The following BLVRB variants were observed in gnomAD, a reference collection of about 807,000 sequenced individuals.
The protein encoded by BLVRB is flavin reductase (NADPH).
BLVRB carries 25 observed loss-of-function variants against 21.1 expected under a neutral mutation model. The ratio of observed to expected loss-of-function variants is 1.19; its 90% CI spans 0.86 to 1.66. The LOEUF is 1.66. Among genes scored for constraint, BLVRB ranks in the 40% most tolerant of loss-of-function variants. The pLI is 0.00. For missense variants in BLVRB, 274 were observed against 282.7 expected (o/e 0.97, Z 0.22); for synonymous variants, 128 against 122.2 (o/e 1.05, Z -0.31).
chr19:40,462,892 CAAAAAAAA>C (rs56923063), intron 1 of BLVRB, among the ~76,000 whole-genome samples: 16 of 49,868 alleles, frequency 3.2e-4, no homozygotes, highest in South Asian at 1.1e-3. Flanking sequence ...ACTCTTGTCT[CAAAAAAAA>C]AAAAAAAAAA....
At chr19:40,448,607 A>AAC (rs1396079269) in intron 4 of BLVRB, among the ~76,000 whole-genome samples, 4 of 41,312 alleles carry the variant, frequency 9.7e-5, no homozygotes, top group African/African-American at 3.6e-4. Flanking sequence ...CAACAACAAC[A>AAC]AATATATATA....
intron 1 of BLVRB, among the ~76,000 whole-genome samples, chr19:40,460,275 T>TATATATATATATATATATATATA (rs1555806375): frequency 4.5e-4 from 60 of 134,372 alleles, no homozygotes; most frequent in African/African-American, 6.3e-4. Flanking sequence ...TATATATATA[T>TATATATATATATATATATATATA]TTAGAGACAG....
chr19:40,457,363 C>T (rs1423182268), intron 3 of BLVRB: 1 of 152,168 alleles, frequency 6.6e-6, no homozygotes, highest in Non-Finnish European at 1.5e-5. Context: ...CTCCCTCATG[C>T]CACTTCCCTT....
chr19:40,463,075 G>A (rs764139740), intron 1 of BLVRB, among the ~76,000 whole-genome samples: 2 of 152,014 alleles, frequency 1.3e-5, no homozygotes, highest in Non-Finnish European at 2.9e-5. Context: ...TACACGTTGT[G>A]ACCATATGTT....
intron 4 of BLVRB, among the ~76,000 whole-genome samples, chr19:40,449,082 A>G (rs2079727652): frequency 6.6e-6 from 1 of 151,986 alleles, no homozygotes. Context: ...TGTCTCAAAA[A>G]AAAAAAAGGA....
intron 1 of BLVRB, 119 bp from the exon 2 acceptor site, chr19:40,458,664 G>T: frequency 7.7e-7 from 1 of 1,300,556 alleles, no homozygotes; most frequent in Non-Finnish European, 1.0e-6. Context: ...TTCTGGGGAA[G>T]TGGTCTTCAA....
intron 1 of BLVRB, among the ~76,000 whole-genome samples, chr19:40,465,110 G>C (rs1343077008): frequency 6.6e-6 from 1 of 152,172 alleles, no homozygotes; most frequent in Non-Finnish European, 1.5e-5. Context: ...TGGTGGTTAA[G>C]AGCATGAGCT....
At chr19:40,465,412 G>A (rs1469122791) in intron 1 of BLVRB, among the ~76,000 whole-genome samples, 198 bp downstream of exon 1, 1 of 152,208 alleles carries the variant, frequency 6.6e-6, no homozygotes, top group Non-Finnish European at 1.5e-5. Context: ...ATTCCTCTCT[G>A]GCTTGGACTC....
intron 3 of BLVRB, among the ~76,000 whole-genome samples, chr19:40,451,815 G>T (rs1185655635): frequency 6.6e-6 from 1 of 152,188 alleles, no homozygotes; most frequent in African/African-American, 2.4e-5. Flanking sequence ...TTACAGGCAT[G>T]AGCCATTGTG....
chr19:40,454,340 G>A (rs1392099142), intron 3 of BLVRB, among the ~76,000 whole-genome samples: 1 of 152,026 alleles, frequency 6.6e-6, no homozygotes, highest in African/African-American at 2.4e-5. Flanking sequence ...TGTTGGCCAG[G>A]CTGGTCTCGA....
intron 3 of BLVRB, among the ~76,000 whole-genome samples, chr19:40,457,046 A>G (rs1421100583): frequency 6.6e-6 from 1 of 151,940 alleles, no homozygotes; most frequent in African/African-American, 2.4e-5. Context: ...GTGGTGGTGC[A>G]TGCCTGTAGT....
intron 3 of BLVRB, among the ~76,000 whole-genome samples, chr19:40,456,096 T>C (rs1305693016): frequency 6.6e-6 from 1 of 152,148 alleles, no homozygotes; most frequent in East Asian, 1.9e-4. Flanking sequence ...ATTTTTATAA[T>C]AAAAAGTTAA....
At chr19:40,458,081 A>G in intron 3 of BLVRB, 74 bp downstream of exon 3, 1 of 1,409,872 alleles carries the variant, frequency 7.1e-7, no homozygotes, top group Non-Finnish European at 1.0e-6. Flanking sequence ...CTTCAGCGTC[A>G]CCTTTCAGAG....
At position 40,465,671 on chromosome 19, in the gene BLVRB, G is replaced by C; in HGVS notation, c.18C>G (p.Ile6Met). The change falls in exon 1 of 5, where the codon ATC becomes ATG. Residue 6 changes from isoleucine to methionine, a missense_variant. Transcript: ENST00000263368. ...TCTGGCCAGTGGCGCCGAAGATCGC[G>C]ATCTTCTTGACGGCCATCGTACGGG... Reference protein sequence around the residue: MAVKKIAIFGATGQTG... With the variant: MAVKKMAIFGATGQTG... 1 of 1,612,824 alleles carries C rather than the reference G, an allele frequency of 6.2e-7. No homozygotes were observed. Among genetic ancestry groups the C allele is most frequent in the Non-Finnish European group, 8.5e-7 (1 of 1,179,782 alleles).
intron 3 of BLVRB, among the ~76,000 whole-genome samples, chr19:40,453,221 C>T (rs570234264): frequency 1.3e-5 from 2 of 152,154 alleles, no homozygotes; most frequent in African/African-American, 2.4e-5. Context: ...ATTTCCCTCT[C>T]GTAGCCACAT....
chr19:40,451,292 T>C, intron 4 of BLVRB, 72 bp downstream of exon 4: 1 of 1,556,604 alleles, frequency 6.4e-7, no homozygotes, highest in Non-Finnish European at 8.7e-7. Context: ...GGGAAGGCCT[T>C]GCAGATCTCC....
At chr19:40,449,925 C>T (rs2064085666) in intron 4 of BLVRB, among the ~76,000 whole-genome samples, 2 of 152,100 alleles carry the variant, frequency 1.3e-5, no homozygotes, top group South Asian at 4.1e-4. Flanking sequence ...CTTGGCTGGG[C>T]GTGGTGGCTC....
At chr19:40,453,043 A>G (rs190576054) in intron 3 of BLVRB, among the ~76,000 whole-genome samples, 33 of 152,300 alleles carry the variant, frequency 2.2e-4, no homozygotes, top group Non-Finnish European at 4.6e-4. Context: ...AGCCTGGGTG[A>G]CAGAGCAAGA....
At chr19:40,461,055 A>T (rs976326933) in intron 1 of BLVRB, among the ~76,000 whole-genome samples, 4 of 152,154 alleles carry the variant, frequency 2.6e-5, no homozygotes, top group Admixed American at 2.0e-4. Flanking sequence ...ACACAATAAA[A>T]AAATTAAAAA....
Sources: allele counts gnomAD v4.1 joint callset (sites outside exome capture counted in the v4.1 genomes callset), GRCh38; gene constraint gnomAD v4.1.1; transcripts MANE v1.5; gene names NCBI Gene and HGNC (gene_info 2026-07-23, HGNC 2026-07-21).